The following NTM variants were observed in gnomAD, a reference collection of about 807,000 sequenced individuals.
NTM encodes the protein neurotrimin, also known as IgLON family member 2.
In NTM, 13 loss-of-function variants were observed where a neutral mutation model predicts 42.1. That is an observed-to-expected ratio of 0.31 (90% confidence interval 0.20 to 0.49). NTM has a LOEUF of 0.49. Ranked by LOEUF, NTM falls within the 20% of genes least tolerant of loss-of-function variation. The probability of loss-of-function intolerance (pLI) is 0.99; values close to 1 mark genes in which losing one functional copy is unlikely to be tolerated. For synonymous variants in NTM, 187 were observed against 179.2 expected, an observed-to-expected ratio of 1.04 and a Z score of -0.35; for missense variants, 373 against 452.8, an observed-to-expected ratio of 0.82 and a Z score of 1.60.
chr11:131,615,556 G>A (rs999360248), intron 1 of NTM, among the ~76,000 whole-genome samples: 1 of 152,112 alleles, frequency 6.6e-6, no homozygotes, highest in African/African-American at 2.4e-5. Flanking sequence ...TTATTGGAGA[G>A]ATGGGATTTG....
intron 1 of NTM, among the ~76,000 whole-genome samples, chr11:131,699,760 C>T (rs112120076): frequency 0.083 from 12,567 of 152,140 alleles, 704 homozygotes; most frequent in Middle Eastern, 0.13. Flanking sequence ...ACCATCAGAT[C>T]TCATGAGAAC....
intron 1 of NTM, among the ~76,000 whole-genome samples, chr11:131,552,278 A>T (rs1409329074): frequency 6.6e-6 from 1 of 152,184 alleles, no homozygotes; most frequent in Non-Finnish European, 1.5e-5. Flanking sequence ...GCACGGCTGG[A>T]GATGGTGTAA....
intron 1 of NTM, chr11:131,911,054 C>A: frequency 9.2e-7 from 1 of 1,083,650 alleles, no homozygotes; most frequent in Non-Finnish European, 1.1e-6. Flanking sequence ...CTGCAGACCG[C>A]CTCTGGGTAG....
chr11:131,970,318 A>G (rs998020825), intron 2 of NTM, among the ~76,000 whole-genome samples: 1 of 152,094 alleles, frequency 6.6e-6, no homozygotes, highest in Non-Finnish European at 1.5e-5. Flanking sequence ...TTTGGCTTCC[A>G]TGTTCTACCT....
At chr11:131,972,404 T>C (rs954565801) in intron 2 of NTM, among the ~76,000 whole-genome samples, 2 of 152,194 alleles carry the variant, frequency 1.3e-5, no homozygotes, top group African/African-American at 4.8e-5. Context: ...TAATTTCTTT[T>C]TTAGCTTTAT....
chr11:131,418,504 G>C (rs1337859552), intron 1 of NTM, among the ~76,000 whole-genome samples: 2 of 152,156 alleles, frequency 1.3e-5, no homozygotes, highest in Admixed American at 1.3e-4. Flanking sequence ...CAAAGACTGG[G>C]CTTTAAGGAA....
At chr11:131,598,203 A>T (rs1328045552) in intron 1 of NTM, among the ~76,000 whole-genome samples, 1 of 151,692 alleles carries the variant, frequency 6.6e-6, no homozygotes, top group African/African-American at 2.4e-5. Flanking sequence ...CCCCCTGAAA[A>T]TCACTTTTGC....
At chr11:131,568,760 G>C (rs150594779) in intron 1 of NTM, among the ~76,000 whole-genome samples, 3 of 152,154 alleles carry the variant, frequency 2.0e-5, no homozygotes, top group Admixed American at 6.5e-5. Flanking sequence ...GCACCAGCAC[G>C]CATTCAAAGT....
intron 4 of NTM, among the ~76,000 whole-genome samples, chr11:132,297,569 T>C (rs1260483608): frequency 1.3e-5 from 2 of 152,228 alleles, no homozygotes; most frequent in Non-Finnish European, 2.9e-5. Flanking sequence ...CAGATCGATA[T>C]ATCTATTCTT....
At chr11:132,255,149 G>T (rs545024834) in intron 4 of NTM, among the ~76,000 whole-genome samples, 22 of 152,354 alleles carry the variant, frequency 1.4e-4, no homozygotes, top group African/African-American at 4.3e-4. Flanking sequence ...GACACAAGAA[G>T]TGTGTTTGCC....
At chr11:131,978,150 G>A (rs533845098) in intron 2 of NTM, among the ~76,000 whole-genome samples, 7 of 152,268 alleles carry the variant, frequency 4.6e-5, no homozygotes, top group African/African-American at 1.4e-4. Context: ...AGATAAAAAG[G>A]CTGCTTCAAA....
At chr11:131,935,532 C>T (rs1010864564) in intron 2 of NTM, among the ~76,000 whole-genome samples, 2 of 151,984 alleles carry the variant, frequency 1.3e-5, no homozygotes, top group Admixed American at 6.6e-5. Context: ...GGGTTACATG[C>T]ATGAGTGTGC....
At chr11:131,740,247 A>C (rs867004854) in intron 1 of NTM, among the ~76,000 whole-genome samples, 4 of 152,168 alleles carry the variant, frequency 2.6e-5, no homozygotes, top group Admixed American at 6.5e-5. Flanking sequence ...GCCGGCATCC[A>C]TGTGCCTCGA....
In NTM at chr11:132,011,459, C is replaced by T. The variant is rs902222056; in HGVS notation, c.167+99811C>T. 8.5e-5 allele frequency among the ~76,000 whole-genome samples: 13 copies of T among 152,092 alleles called. 1 individual carries two copies. Among genetic ancestry groups the T allele is most frequent in the African/African-American group, 4.8e-5 (2 of 41,400 alleles). ...AGTGCCTCATCTTGAACTGGGTGAG[C>T]GGTCCCTAAACATTTGTTACGTAGT... On this transcript the variant is annotated intron_variant, in intron 2 of 8. Transcript: ENST00000683400.
chr11:132,238,583 T>C (rs1296878402), intron 4 of NTM, among the ~76,000 whole-genome samples: 1 of 152,072 alleles, frequency 6.6e-6, no homozygotes, highest in African/African-American at 2.4e-5. Context: ...TCTTTCGGTA[T>C]GAGAGGCAGG....
rs2060490933 is a variant in NTM at position 131,601,585 on chromosome 11, CT to C, written c.82+230698del. Among the ~76,000 whole-genome samples, 2 of 151,778 alleles carry C rather than the reference CT, an allele frequency of 1.3e-5. 1 individual carries two copies. The highest frequency in any genetic ancestry group is 4.8e-5 in the African/African-American group (2 of 41,434). On this transcript the variant is annotated intron_variant, in intron 1 of 8. Transcript: ENST00000683400. Reference sequence around the variant, plus strand: ...GCTCCCACCTCAAACCCCCTTCCCTCTCCTTTTTTTTTTTTAAGGCAGCCCC... The same window carrying C: ...GCTCCCACCTCAAACCCCCTTCCCTCCCTTTTTTTTTTTTAAGGCAGCCCC...
chr11:132,312,728 G>C (rs1308445059), intron 6 of NTM: 1 of 154,892 alleles, frequency 6.5e-6, no homozygotes, highest in African/African-American at 2.4e-5. Context: ...TGGACGAATG[G>C]TGTCAAAACG....
intron 1 of NTM, among the ~76,000 whole-genome samples, chr11:131,490,602 T>C (rs574312908): frequency 2.0e-5 from 3 of 152,246 alleles, no homozygotes; most frequent in Admixed American, 2.0e-4. Flanking sequence ...TGGGATGGTC[T>C]AGTGCAAAAA....
At chr11:131,629,717 C>A (rs1439964077) in intron 1 of NTM, among the ~76,000 whole-genome samples, 1 of 152,144 alleles carries the variant, frequency 6.6e-6, no homozygotes, top group Non-Finnish European at 1.5e-5. Flanking sequence ...GAACAGAGGA[C>A]AGAACCTCAT....
Sources: allele counts gnomAD v4.1 joint callset (sites outside exome capture counted in the v4.1 genomes callset), GRCh38; gene constraint gnomAD v4.1.1; transcripts MANE v1.5; gene names NCBI Gene and HGNC (gene_info 2026-07-23, HGNC 2026-07-21).